DLG2: variants seen among roughly 807,000 people sequenced by gnomAD.
DLG2 encodes the protein disks large homolog 2.
A neutral mutation model predicts 132.5 loss-of-function variants in DLG2; 45 were observed. The observed-to-expected ratio is 0.34, with a 90% CI of 0.27 to 0.44. The LOEUF (loss-of-function observed/expected upper bound fraction) is 0.44. Ranked by LOEUF, DLG2 falls within the 20% of genes least tolerant of loss-of-function variation. DLG2 has a pLI of 1.00. For missense variants in DLG2, 1,045 were observed against 1,196.9 expected, an observed-to-expected ratio of 0.87 and a Z score of 1.87; for synonymous variants, 424 against 419.6, an observed-to-expected ratio of 1.01 and a Z score of -0.13.
chr11:84,739,345 T>C (rs567160274), intron 6 of DLG2, among the ~76,000 whole-genome samples: 122 of 152,238 alleles, frequency 8.0e-4, no homozygotes, highest in African/African-American at 2.9e-3. Context: ...CCCAAATCAA[T>C]TTTTTCCTAA....
intron 6 of DLG2, among the ~76,000 whole-genome samples, chr11:84,637,263 T>A (rs940322466): frequency 7.2e-5 from 11 of 152,160 alleles, no homozygotes; most frequent in Non-Finnish European, 1.2e-4. Context: ...ATAGCAATGA[T>A]TATGAAAAGT....
At chr11:84,060,393 T>C (rs1471377506) in intron 10 of DLG2, among the ~76,000 whole-genome samples, 1 of 152,092 alleles carries the variant, frequency 6.6e-6, no homozygotes. Flanking sequence ...TTCCCCACCC[T>C]CCTCTCCACC....
intron 8 of DLG2, among the ~76,000 whole-genome samples, chr11:84,230,619 G>C (rs2097078488): frequency 1.3e-5 from 2 of 152,166 alleles, no homozygotes; most frequent in Non-Finnish European, 2.9e-5. Flanking sequence ...TTAGGGGAAA[G>C]ATATGTGAGC....
chr11:85,085,564 C>T (rs920327014), intron 6 of DLG2, among the ~76,000 whole-genome samples: 2 of 151,996 alleles, frequency 1.3e-5, no homozygotes, highest in Non-Finnish European at 2.9e-5. Flanking sequence ...ATATAACCTA[C>T]TTATTAAAAT....
intron 6 of DLG2, among the ~76,000 whole-genome samples, chr11:84,621,869 A>C (rs1317957467): frequency 6.6e-6 from 1 of 152,174 alleles, no homozygotes; most frequent in African/African-American, 2.4e-5. Context: ...AACACCGCCA[A>C]GCTGAAAATT....
chr11:85,014,883 G>C (rs2059441228), intron 6 of DLG2, among the ~76,000 whole-genome samples: 1 of 152,152 alleles, frequency 6.6e-6, no homozygotes, highest in Non-Finnish European at 1.5e-5. Context: ...TCCAAGCTCT[G>C]TGAGGGCCTC....
chr11:85,258,750 G>C (rs1305582384), intron 4 of DLG2, among the ~76,000 whole-genome samples: 3 of 152,160 alleles, frequency 2.0e-5, no homozygotes, highest in Admixed American at 6.5e-5. Flanking sequence ...ATAAAGCTGA[G>C]TTAACAATAG....
intron 11 of DLG2, among the ~76,000 whole-genome samples, chr11:84,019,463 C>G (rs1450700713): frequency 6.6e-6 from 1 of 151,964 alleles, no homozygotes; most frequent in Non-Finnish European, 1.5e-5. Context: ...TGAATGTTTC[C>G]CTGGTAGATA....
At chr11:84,612,885 T>G (rs1392686538) in intron 6 of DLG2, among the ~76,000 whole-genome samples, 1 of 152,166 alleles carries the variant, frequency 6.6e-6, no homozygotes, top group Non-Finnish European at 1.5e-5. Context: ...GTGGTGTGGC[T>G]GTGATTTGAG....
intron 6 of DLG2, among the ~76,000 whole-genome samples, chr11:84,859,378 A>C (rs1599995454): frequency 6.8e-6 from 1 of 146,734 alleles, no homozygotes; most frequent in Non-Finnish European, 1.5e-5. Flanking sequence ...ATATACACAT[A>C]TATATGCATA....
At chr11:83,852,967 G>T (rs1033503481) in intron 16 of DLG2, among the ~76,000 whole-genome samples, 2 of 152,124 alleles carry the variant, frequency 1.3e-5, no homozygotes, top group Non-Finnish European at 2.9e-5. Flanking sequence ...CATTCTTAAA[G>T]TTATTCATTA....
At chr11:84,428,870 G>A (rs1350460858) in intron 7 of DLG2, among the ~76,000 whole-genome samples, 1 of 152,160 alleles carries the variant, frequency 6.6e-6, no homozygotes, top group African/African-American at 2.4e-5. Flanking sequence ...TATGGCATGT[G>A]GGATAAGGCA....
chr11:84,640,622 T>C, intron 6 of DLG2: 1 of 237,354 alleles, frequency 4.2e-6, no homozygotes, highest in Non-Finnish European at 8.2e-6. Flanking sequence ...TAAGACCTAT[T>C]TGTGATATAT....
At chr11:84,396,613 G>A (rs996543884) in intron 7 of DLG2, among the ~76,000 whole-genome samples, 2 of 152,200 alleles carry the variant, frequency 1.3e-5, no homozygotes, top group Admixed American at 6.5e-5. Context: ...ACACTTCACA[G>A]AAATTAGGGA....
chr11:84,241,378 C>T (rs1261952648), intron 8 of DLG2, among the ~76,000 whole-genome samples: 1 of 152,146 alleles, frequency 6.6e-6, no homozygotes, highest in Non-Finnish European at 1.5e-5. Flanking sequence ...GAAGAGCCTT[C>T]GGGGAAGCTC....
At chr11:83,569,417 C>G (rs2096761302) in intron 19 of DLG2, among the ~76,000 whole-genome samples, 1 of 152,112 alleles carries the variant, frequency 6.6e-6, no homozygotes, top group African/African-American at 2.4e-5. Flanking sequence ...TAGCAGCCAT[C>G]TTATTGAATT....
At chr11:84,343,727 T>C (rs2098526283) in intron 7 of DLG2, among the ~76,000 whole-genome samples, 1 of 152,214 alleles carries the variant, frequency 6.6e-6, no homozygotes, top group Non-Finnish European at 1.5e-5. Context: ...TAAAGCATGG[T>C]AAAATATAGA....
At chr11:85,598,425 TTCAATAACCTC>T (rs1476377525) in intron 3 of DLG2, among the ~76,000 whole-genome samples, 1 of 152,128 alleles carries the variant, frequency 6.6e-6, no homozygotes, top group Non-Finnish European at 1.5e-5. Flanking sequence ...ATTTATATCT[TTCAATAACCTC>T]TTTTTATTTA....
Position 84,502,227 on chromosome 11 carries a change from C to T in DLG2, c.519+32343G>A, listed in dbSNP as rs1405228782. Among the ~76,000 whole-genome samples, 95 of 13,984 alleles carry T rather than the reference C, an allele frequency of 6.8e-3. 6 individuals carry two copies. The highest frequency in any genetic ancestry group is 0.047 in the African/African-American group (28 of 592). 9.2% of individuals were successfully genotyped at this position (13,984 alleles called of 152,430 possible). ...CCTTCCTTCCTTCCTTCCTTCCTTC[C>T]TTCCTTCCTTCCTTCCTTCCTTCCT... On this transcript the variant is annotated intron_variant, in intron 7 of 27. Coordinates refer to ENST00000376104, the MANE Select transcript of DLG2 (RefSeq NM_001142699.3).
Sources: gnomAD v4.1 joint callset for allele counts (sites outside exome capture counted in the v4.1 genomes callset) on GRCh38, gnomAD v4.1.1 for gene constraint, MANE v1.5 for transcripts, NCBI Gene and HGNC (gene_info 2026-07-23, HGNC 2026-07-21) for gene names.